The following RIMS2 variants were observed in gnomAD, a reference collection of about 807,000 sequenced individuals.
The protein encoded by RIMS2 is regulating synaptic membrane exocytosis 2.
A neutral mutation model predicts 174.4 loss-of-function variants in RIMS2; 59 were observed. The ratio of observed to expected loss-of-function variants is 0.34; its 90% CI spans 0.27 to 0.42. The LOEUF (loss-of-function observed/expected upper bound fraction) is 0.42. Ranked by LOEUF, RIMS2 falls within the 10% of genes least tolerant of loss-of-function variation. RIMS2 has a pLI of 1.00. For missense variants in RIMS2, 1,620 were observed against 1,666.3 expected (o/e 0.97, Z 0.48); for synonymous variants, 606 against 572.5 (o/e 1.06, Z -0.84).
Position 104,139,235 on chromosome 8 carries a change from C to T in RIMS2, c.3335-105681C>T, listed in dbSNP as rs565972468. 2.6e-5 allele frequency among the ~76,000 whole-genome samples: 4 copies of T among 152,130 alleles called. No homozygotes were observed. The South Asian group carries it at 8.3e-4, about 32-fold the overall frequency. On this transcript the variant is annotated intron_variant, in intron 19 of 23. Coordinates refer to ENST00000504942, the Ensembl canonical transcript of RIMS2. ...GTTTTGTTCTTTTTGTTTAGGATAG[C>T]TTTAGCTATTCTGAGTCTTTTGTGT...
intron 19 of RIMS2, among the ~76,000 whole-genome samples, chr8:104,219,495 A>G (rs1319726884): frequency 6.6e-6 from 1 of 152,234 alleles, no homozygotes; most frequent in Non-Finnish European, 1.5e-5. Flanking sequence ...CATAATTACT[A>G]TGTTTTATAA....
chr8:103,602,303 T>G (rs746257186), intron 1 of RIMS2, among the ~76,000 whole-genome samples: 5 of 152,186 alleles, frequency 3.3e-5, no homozygotes, highest in Admixed American at 2.0e-4. Context: ...TTTTTAAAGT[T>G]ATGACTTTTA....
chr8:103,689,784 T>C (rs2096990540), intron 1 of RIMS2, among the ~76,000 whole-genome samples: 1 of 152,174 alleles, frequency 6.6e-6, no homozygotes, highest in South Asian at 2.1e-4. Flanking sequence ...AACACTGTGA[T>C]TATGGTGTAT....
intron 1 of RIMS2, among the ~76,000 whole-genome samples, chr8:103,503,469 A>G (rs1165328152): frequency 1.3e-5 from 2 of 151,980 alleles, no homozygotes; most frequent in African/African-American, 2.4e-5. Flanking sequence ...ACGGTCTTCA[A>G]TGGTTACTAT....
In RIMS2 at chr8:104,223,473, G is replaced by A. The variant is rs568534040; in HGVS notation, c.3335-21443G>A. 47 of 1,373,170 alleles carry A rather than the reference G, an allele frequency of 3.4e-5. 1 individual carries two copies. In the South Asian group the frequency reaches 4.6e-4, roughly 13 times the overall value. The allele number at this position is 1,373,170 out of a possible 1,614,324, so 85.1% of individuals were successfully genotyped here. On this transcript the variant is annotated intron_variant, in intron 19 of 23. Coordinates refer to ENST00000504942, the Ensembl canonical transcript of RIMS2. The stretch of plus-strand genomic sequence containing the variant: ...TCTCCAATAAATTGGAGGTCCCGGC[G>A]GCCAGGAAAGCCACGTCTCCTCCGG...
chr8:104,104,275 A>G (rs1334787194), intron 19 of RIMS2, among the ~76,000 whole-genome samples: 1 of 152,200 alleles, frequency 6.6e-6, no homozygotes, highest in Non-Finnish European at 1.5e-5. Context: ...AGGGTTGTTG[A>G]ATAGTTCTGC....
intron 1 of RIMS2, among the ~76,000 whole-genome samples, chr8:103,542,023 A>G (rs1319154281): frequency 1.3e-5 from 2 of 152,154 alleles, no homozygotes; most frequent in African/African-American, 4.8e-5. Context: ...TGGAGAAGGA[A>G]AAAGGAACAA....
chr8:103,569,174 A>C (rs1374071492), intron 1 of RIMS2, among the ~76,000 whole-genome samples: 1 of 152,118 alleles, frequency 6.6e-6, no homozygotes, highest in Non-Finnish European at 1.5e-5. Context: ...TTTGGCTTTG[A>C]CATTTAGGTC....
intron 1 of RIMS2, among the ~76,000 whole-genome samples, chr8:103,597,410 A>C (rs1216668555): frequency 1.3e-5 from 2 of 152,080 alleles, no homozygotes; most frequent in African/African-American, 4.8e-5. Context: ...CTGTTTATGC[A>C]TACCCTTCTG....
chr8:103,671,064 G>T lies in RIMS2; in HGVS notation c.177-26022G>T, dbSNP rs370317719. On this transcript the variant is annotated intron_variant, in intron 1 of 23. Transcript: ENST00000504942. Reference sequence around the variant, plus strand: ...TGCCTGGGGATGCCTCACAATCATGGTGGGAGGCGAAAGGCACGTCTTACA... The same window carrying T: ...TGCCTGGGGATGCCTCACAATCATGTTGGGAGGCGAAAGGCACGTCTTACA... Among the ~76,000 whole-genome samples the T allele has an allele frequency of 3.5e-3, 533 of 152,284 alleles. 37 individuals are homozygous for T. In the South Asian group the frequency reaches 0.11, roughly 30 times the overall value.
chr8:103,614,587 T>C lies in RIMS2; in HGVS notation c.177-82499T>C, dbSNP rs145341305. On this transcript the variant is annotated intron_variant, in intron 1 of 23. Transcript: ENST00000504942. Reference sequence around the variant, plus strand: ...TTTGGTATTCATGCAGGGCAACAAATGGCATAGTCTTCTGTTCTGCCATCT... The same window carrying C: ...TTTGGTATTCATGCAGGGCAACAAACGGCATAGTCTTCTGTTCTGCCATCT... Among the ~76,000 whole-genome samples the C allele has an allele frequency of 2.6e-4, 39 of 152,362 alleles. No homozygotes were observed. In the East Asian group the frequency reaches 7.5e-3, roughly 29 times the overall value.
chr8:104,019,591 C>T (rs920075181), intron 19 of RIMS2, among the ~76,000 whole-genome samples: 14 of 152,026 alleles, frequency 9.2e-5, no homozygotes, highest in Non-Finnish European at 1.3e-4. Context: ...GTCATAAAGG[C>T]GACAAATATC....
intron 1 of RIMS2, among the ~76,000 whole-genome samples, chr8:103,616,896 T>A (rs929223721): frequency 3.3e-5 from 5 of 152,118 alleles, no homozygotes; most frequent in Admixed American, 1.3e-4. Flanking sequence ...TGGAAAAACA[T>A]CCCATGTTCA....
chr8:103,586,425 G>T lies in RIMS2; in HGVS notation c.176+85363G>T, dbSNP rs184204467. 3.3e-5 allele frequency among the ~76,000 whole-genome samples: 5 copies of T among 152,128 alleles called. No homozygotes were observed. The East Asian group carries it at 9.6e-4, about 29-fold the overall frequency. ...CTCTGACTACAGTGGAATAAAACTA[G>T]AAATTTATAACAGGAGGAATTTGGG... On this transcript the variant is annotated intron_variant, in intron 1 of 23. Coordinates refer to ENST00000504942, the Ensembl canonical transcript of RIMS2.
rs373149969 is a variant in RIMS2, at chr8:103,603,496, T to C, written c.177-93590T>C. On this transcript the variant is annotated intron_variant, in intron 1 of 23. Coordinates refer to ENST00000504942, the Ensembl canonical transcript of RIMS2. ...TCTTTATAGCAGCATGATTTAGAGT[T>C]CTTTGGGTATATACCCAGTAATGGG... 1.1e-3 allele frequency among the ~76,000 whole-genome samples: 168 copies of C among 151,754 alleles called. 2 individuals carry two copies. In the East Asian group the frequency reaches 0.027, roughly 24 times the overall value.
chr8:103,608,535 C>CGCTGCTT (rs1321716901), intron 1 of RIMS2, among the ~76,000 whole-genome samples: 1 of 130,330 alleles, frequency 7.7e-6, no homozygotes, highest in Non-Finnish European at 1.7e-5. Context: ...TCGAGCTTCC[C>CGCTGCTT]GCTGCTTTGT....
intron 1 of RIMS2, among the ~76,000 whole-genome samples, chr8:103,596,420 C>T (rs2094479960): frequency 6.6e-6 from 1 of 151,812 alleles, no homozygotes; most frequent in South Asian, 2.1e-4. Context: ...AGGTGGTGCA[C>T]CTTTGCTTAA....
intron 19 of RIMS2, among the ~76,000 whole-genome samples, chr8:104,115,425 T>G (rs777622315): frequency 1.3e-5 from 2 of 152,100 alleles, no homozygotes; most frequent in Non-Finnish European, 2.9e-5. Flanking sequence ...TATTATAAAC[T>G]AAATCTTTAA....
chr8:103,956,994 T>TA (rs1244872348), intron 14 of RIMS2, among the ~76,000 whole-genome samples: 1 of 151,812 alleles, frequency 6.6e-6, no homozygotes, highest in Non-Finnish European at 1.5e-5. Flanking sequence ...AACAAACATA[T>TA]AAAAAAACTC....
Sources: allele counts gnomAD v4.1 joint callset (sites outside exome capture counted in the v4.1 genomes callset), GRCh38; gene constraint gnomAD v4.1.1; transcripts MANE v1.5; gene names NCBI Gene and HGNC (gene_info 2026-07-23, HGNC 2026-07-21).